Variants in OTOG observed in about 807,000 individuals in gnomAD.
OTOG encodes otogelin.
OTOG carries 296 observed loss-of-function variants against 313.8 expected under a neutral mutation model. The ratio of observed to expected loss-of-function variants is 0.94; its 90% CI spans 0.86 to 1.04. The LOEUF (loss-of-function observed/expected upper bound fraction) is 1.04. Ranked by LOEUF, OTOG falls within the 50% of genes least tolerant of loss-of-function variation. OTOG has a pLI of 0.00. For synonymous variants in OTOG, 1,533 were observed against 1,554.9 expected (o/e 0.99, Z 0.33); for missense variants, 3,948 against 3,840.1 (o/e 1.03, Z -0.74).
chr11:17,570,368 G>A lies in OTOG; in HGVS notation c.1933G>A (p.Gly645Ser). 6.4e-7 allele frequency: 1 copy of A among 1,550,582 alleles called. No homozygotes were observed. Among genetic ancestry groups the A allele is most frequent in the South Asian group, 1.2e-5 (1 of 84,048 alleles). ...CGTGGGCCTCTGCGGCACCTTCAAT[G>A]GCAACACGCAGGATGACTTCCTGTA... is the stretch of plus-strand genomic sequence containing the variant. ...DTVGLCGTFN[G>S]NTQDDFLSPV... Residue 645 changes from glycine (G) to serine (S), a missense_variant, in exon 17 of 56, where the codon GGC (glycine) becomes AGC (serine). Transcript: ENST00000399397.
chr11:17,553,769 T>C (rs994834059), intron 6 of OTOG, among the ~76,000 whole-genome samples: 1 of 152,230 alleles, frequency 6.6e-6, no homozygotes, highest in African/African-American at 2.4e-5. Flanking sequence ...CATACTGTAC[T>C]CTTTTCTGGC....
intron 24 of OTOG, among the ~76,000 whole-genome samples, chr11:17,590,853 T>C (rs1208101609): frequency 6.6e-6 from 1 of 152,182 alleles, no homozygotes; most frequent in Non-Finnish European, 1.5e-5. Flanking sequence ...TGGAGTTAAC[T>C]CTGTCACCTC....
intron 27 of OTOG, 23 bp downstream of exon 27, chr11:17,593,779 T>C (rs1438176220): frequency 6.5e-7 from 1 of 1,544,496 alleles, no homozygotes; most frequent in South Asian, 1.2e-5. Context: ...GCAGTGACAT[T>C]CTGCTCCTGC....
intron 23 of OTOG, among the ~76,000 whole-genome samples, chr11:17,581,391 G>C (rs957746782): frequency 6.6e-6 from 1 of 152,196 alleles, no homozygotes; most frequent in South Asian, 2.1e-4. Flanking sequence ...CGTGGAAACA[G>C]GGAGATTCAG....
At chr11:17,641,786 A>C in intron 51 of OTOG, 61 bp from the exon 52 acceptor site, 1 of 1,236,434 alleles carries the variant, frequency 8.1e-7, no homozygotes, top group Non-Finnish European at 1.1e-6. Flanking sequence ...ATAACCAGGC[A>C]GTGGGAGAGC....
Position 17,610,445 on chromosome 11 carries a change from G to A in OTOG, c.5145G>A (p.Arg1715=), listed in dbSNP as rs778188154. 1.9e-6 allele frequency: 3 copies of A among 1,550,582 alleles called. No homozygotes were observed. Among genetic ancestry groups the A allele is most frequent in the South Asian group, 2.4e-5 (2 of 84,052 alleles). Residue 1715 remains arginine, a synonymous_variant, in exon 36 of 56, where the codon AGG becomes AGA. Transcript: ENST00000399397. ...EQVPVSPLAT[R]SLEIVLSTEK... ...TTCCTGTCAGTCCCCTTGCAACCAG[G>A]AGCTTGGAGATAGTGCTATCCACAG...
In OTOG at chr11:17,548,249, G is replaced by A. The variant is rs1397332036; in HGVS notation, c.216+37G>A. 4.0e-6 allele frequency: 6 copies of A among 1,507,674 alleles called. No individual in the cohort carries two copies. The Admixed American group carries it at 6.1e-5, about 15-fold the overall frequency. 93.4% of individuals were successfully genotyped at this position (1,507,674 alleles called of 1,614,324 possible). A position where few individuals can be genotyped will look rare whatever the true frequency, so the allele number is the denominator to read the frequency against. On this transcript the variant is annotated intron_variant, in intron 3 of 55. Transcript: ENST00000399397. ...CTTGGGAGGGGGCTTCATTGAGCAG[G>A]AGCTCATGTCTATCTGGATCTGAGG...
Position 17,570,328 on chromosome 11 carries a change from A to T in OTOG, c.1893A>T (p.Arg631=). ...GLRLYLQVDQ[R]WVEDTVGLCG... ...GACTGTACCTGCAAGTGGACCAGCGATGGGTGGAGGATACCGTGGGCCTCT... is the reference window on the plus strand; with the variant it reads ...GACTGTACCTGCAAGTGGACCAGCGTTGGGTGGAGGATACCGTGGGCCTCT... The change falls in exon 17 of 56, where the codon CGA becomes CGT. Residue 631 remains arginine, a synonymous_variant. Transcript: ENST00000399397. 1.3e-6 allele frequency: 2 copies of T among 1,550,624 alleles called. No homozygotes were observed. The highest frequency in any genetic ancestry group is 1.7e-6 in the Non-Finnish European group (2 of 1,146,994).
chr11:17,610,310 T>G lies in OTOG; in HGVS notation c.5010T>G (p.Pro1670=), dbSNP rs1490710035. Residue 1670 remains proline, a synonymous_variant, in exon 36 of 56, where the codon CCT becomes CCG. Coordinates refer to ENST00000399397, the MANE Select transcript of OTOG (RefSeq NM_001292063.2). ...SSGSHKAVLT[P]AVTKVISRTG... ...GATCCCACAAGGCTGTGCTGACACC[T>G]GCAGTAACTAAGGTCATAAGCAGGA... 4.5e-6 allele frequency: 7 copies of G among 1,550,580 alleles called. No individual in the cohort carries two copies. Among genetic ancestry groups the G allele is most frequent in the African/African-American group, 4.1e-5 (3 of 73,014 alleles).
At chr11:17,636,926 A>G (rs775793516) in intron 47 of OTOG, among the ~76,000 whole-genome samples, 4 of 152,112 alleles carry the variant, frequency 2.6e-5, no homozygotes, top group African/African-American at 7.2e-5. Context: ...TGTGGAAATT[A>G]GAGATAATTT....
chr11:17,613,710 A>C lies in OTOG; in HGVS notation c.6528+9A>C, dbSNP rs889946125. 2 of 1,549,782 alleles carry C rather than the reference A, an allele frequency of 1.3e-6. No individual in the cohort carries two copies. Among genetic ancestry groups the C allele is most frequent in the South Asian group, 2.4e-5 (2 of 84,022 alleles). On this transcript the variant is annotated intron_variant, in intron 39 of 55. Transcript: ENST00000399397. ...ATCGCTTCAACCGAAAGGTGAGTGC[A>C]TCAAACAGCCAGCCTCCAGGGCAGG...
In OTOG at chr11:17,562,908, C is replaced by G. The variant is rs528909902; in HGVS notation, c.1644+1101C>G. 3.3e-5 allele frequency among the ~76,000 whole-genome samples: 5 copies of G among 152,310 alleles called. No individual in the cohort carries two copies. In the East Asian group the frequency reaches 9.6e-4, roughly 29 times the overall value. On this transcript the variant is annotated intron_variant, in intron 15 of 55. Coordinates refer to ENST00000399397, the MANE Select transcript of OTOG (RefSeq NM_001292063.2). ...GATGAATTAGACATGGCTCCACCTC[C>G]CTGGGCCCTATAGTTTGGTGGGCAA...
At position 17,610,102 on chromosome 11, in the gene OTOG, TCA is replaced by T; in HGVS notation, c.4805_4806del (p.Thr1602SerfsTer29). ...GTGATCTTTGCAGGAAGCCCTAACATCACAGTCTCCTCCCGGTCGCCCCCTGC... is the reference window on the plus strand; with the variant it reads ...GTGATCTTTGCAGGAAGCCCTAACATCAGTCTCCTCCCGGTCGCCCCCTGC... On this transcript the variant is annotated frameshift_variant, in exon 36 of 56. Transcript: ENST00000399397. LOFTEE classifies it high-confidence loss of function. The T allele has an allele frequency of 6.4e-7, 1 of 1,550,532 alleles. No individual in the cohort carries two copies. Among genetic ancestry groups the T allele is most frequent in the Non-Finnish European group, 8.7e-7 (1 of 1,146,946 alleles).
At position 17,641,026 on chromosome 11, in the gene OTOG, G is replaced by C; in HGVS notation, c.8125G>C (p.Asp2709His). Residue 2709 changes from aspartate to histidine, a missense_variant, in exon 51 of 56, where the codon GAC (aspartate) becomes CAC (histidine). Transcript: ENST00000399397. ...CACCTCCCGCTGCACCACCGTGCTC[G>C]ACCCTCTCACCAACTTCTACCAGAT... The part of the protein sequence containing the change: ...CHTSRCTTVL[D>H]PLTNFYQINT... The C allele has an allele frequency of 7.1e-7, 1 of 1,417,358 alleles. No individual in the cohort carries two copies. The allele number at this position is 1,417,358 out of a possible 1,614,324, so 87.8% of individuals were successfully genotyped here.
At position 17,639,462 on chromosome 11, in the gene OTOG, T is replaced by G; in HGVS notation, c.7934T>G (p.Leu2645Arg). 1 of 1,550,716 alleles carries G rather than the reference T, an allele frequency of 6.4e-7. No homozygotes were observed. The change falls in exon 49 of 56, where the codon CTG becomes CGG. Residue 2645 changes from leucine to arginine, a missense_variant and splice_region_variant. Transcript: ENST00000399397. ...ACAATCCCGGTGCCCCGGTGCCATC[T>G]GGTATGGAGACGCTCCTCCCCCAAC... is the stretch of plus-strand genomic sequence containing the variant. ...CDTIPVPRCH[L>R]WEKSQLDEEF... is the part of the protein sequence containing the mutation.
chr11:17,597,108 A>G (rs1853130521), intron 30 of OTOG, 101 bp downstream of exon 30: 2 of 1,403,032 alleles, frequency 1.4e-6, no homozygotes, highest in African/African-American at 1.4e-5. Flanking sequence ...CTGAGTACTT[A>G]GAATGTACCA....
chr11:17,548,304 G>C (rs1851854497), intron 3 of OTOG, 92 bp downstream of exon 3: 1 of 1,158,326 alleles, frequency 8.6e-7, no homozygotes, highest in African/African-American at 1.5e-5. Context: ...GTTACAGGAG[G>C]GGTCTCTGGA....
In OTOG at chr11:17,613,695, C is replaced by A; in HGVS notation, c.6522C>A (p.Asn2174Lys). ...LAHQVTIDRF[N>K]RKVTVDLQPV... ...ATCAGGTCACTATTGATCGCTTCAA[C>A]CGAAAGGTGAGTGCATCAAACAGCC... The change falls in exon 39 of 56, where the codon AAC (asparagine) becomes AAA (lysine). Residue 2174 changes from asparagine (N) to lysine (K), a missense_variant. Asn to Lys is a moderately conservative substitution (Grantham distance 94, BLOSUM62 0). Transcript: ENST00000399397. The A allele has an allele frequency of 6.4e-7, 1 of 1,550,576 alleles. No homozygotes were observed. The highest frequency in any genetic ancestry group is 8.7e-7 in the Non-Finnish European group (1 of 1,146,948).
At chr11:17,554,795 G>T (rs977959611) in intron 6 of OTOG, among the ~76,000 whole-genome samples, 6 of 152,172 alleles carry the variant, frequency 3.9e-5, no homozygotes, top group African/African-American at 1.2e-4. Context: ...TTAGACTAAT[G>T]CATTGCCATA....
Sources: gnomAD v4.1 joint callset for allele counts (sites outside exome capture counted in the v4.1 genomes callset) on GRCh38, gnomAD v4.1.1 for gene constraint, MANE v1.5 for transcripts, NCBI Gene and HGNC (gene_info 2026-07-23, HGNC 2026-07-21) for gene names.